Variants in ARHGEF33 observed in about 807,000 individuals in gnomAD.
The protein encoded by ARHGEF33 is DH and coiled-coil domain-containing protein ENSP00000381780.
ARHGEF33 carries 72 observed loss-of-function variants against 101.9 expected under a neutral mutation model. The observed-to-expected ratio is 0.71, with a 90% confidence interval of 0.58 to 0.86. The LOEUF is 0.86. Among genes scored for constraint, ARHGEF33 ranks in the 40% least tolerant of loss-of-function variants. The pLI, the probability that ARHGEF33 is intolerant of heterozygous loss-of-function variation, is 0.00. For missense variants in ARHGEF33, 1,169 were observed against 1,111.3 expected (o/e 1.05, Z -0.74); for synonymous variants, 499 against 442.5 (o/e 1.13, Z -1.60).
At chr2:38,934,682 C>G (rs965674847) in intron 7 of ARHGEF33, among the ~76,000 whole-genome samples, 1 of 141,232 alleles carries the variant, frequency 7.1e-6, no homozygotes, top group African/African-American at 2.6e-5. Flanking sequence ...CCCTCTCTCC[C>G]TCCCTCCATC....
At chr2:38,959,621 GCTCAGACAATAC>G (rs1000847962) in intron 15 of ARHGEF33, 2 of 504,772 alleles carry the variant, frequency 4.0e-6, no homozygotes, top group African/African-American at 3.9e-5. Flanking sequence ...TTTCCCAGAA[GCTCAGACAATAC>G]CTTCGGGCCT....
At chr2:38,903,226 A>G (rs1335572621) in intron 2 of ARHGEF33, among the ~76,000 whole-genome samples, 2 of 152,226 alleles carry the variant, frequency 1.3e-5, no homozygotes, top group East Asian at 3.9e-4. Context: ...CCAATGGACA[A>G]TTAATAGTAC....
chr2:38,896,651 A>T (rs182851183), intron 2 of ARHGEF33, among the ~76,000 whole-genome samples: 71 of 152,330 alleles, frequency 4.7e-4, no homozygotes, highest in African/African-American at 1.7e-3. Context: ...TCACAAAATG[A>T]AATAAGTAGC....
At chr2:38,962,472 A>G (rs533635777) in intron 16 of ARHGEF33, among the ~76,000 whole-genome samples, 15 of 152,318 alleles carry the variant, frequency 9.8e-5, no homozygotes, top group Non-Finnish European at 1.6e-4. Context: ...GCTGTTTACC[A>G]GACATACCAA....
intron 2 of ARHGEF33, among the ~76,000 whole-genome samples, chr2:38,906,601 A>G (rs1666396701): frequency 6.6e-6 from 1 of 152,092 alleles, no homozygotes; most frequent in East Asian, 1.9e-4. Flanking sequence ...CTTTTCATTG[A>G]TCAACAAAAA....
chr2:38,919,472 G>T lies in ARHGEF33; in HGVS notation c.25G>T (p.Gly9Ter). The T allele has an allele frequency of 6.4e-7, 1 of 1,551,738 alleles. No homozygotes were observed. Among genetic ancestry groups the T allele is most frequent in the South Asian group, 1.2e-5 (1 of 84,056 alleles). Residue 9 changes from glycine to a stop codon, truncating the protein, a stop_gained and splice_region_variant, in exon 3 of 18, where the codon GGA (glycine) becomes TGA (stop). Transcript: ENST00000409978. LOFTEE classifies it high-confidence loss of function. MEKTKTKQ[G>*]ENEHMPVNNP... ...TATGGAAAAAACCAAAACAAAGCAA[G>T]GTCAGATTTTTCCTATGTCTTGCTT...
chr2:38,948,868 T>C (rs927047557), intron 10 of ARHGEF33, among the ~76,000 whole-genome samples: 2 of 152,194 alleles, frequency 1.3e-5, no homozygotes, highest in African/African-American at 2.4e-5. Flanking sequence ...TCCCAGTCAG[T>C]ATACCCCGTA....
rs139116761 is a variant in ARHGEF33, at chr2:38,912,116, C to T, written c.-85-7247C>T. 1.5e-3 allele frequency among the ~76,000 whole-genome samples: 222 copies of T among 152,304 alleles called. 3 individuals are homozygous for T. Among genetic ancestry groups the T allele is most frequent in the African/African-American group, 5.2e-3 (215 of 41,554 alleles). On this transcript the variant is annotated intron_variant, in intron 2 of 17. Transcript: ENST00000409978. ...TATAGACACCAACAGGCTCACTTAA[C>T]ATTATTTTCCCCAGTGTCCGCCAAG...
chr2:38,907,138 A>G (rs1016755802), intron 2 of ARHGEF33, among the ~76,000 whole-genome samples: 4 of 152,122 alleles, frequency 2.6e-5, no homozygotes, highest in Non-Finnish European at 5.9e-5. Flanking sequence ...AAGGCCTGTG[A>G]GTGGACTAGT....
intron 11 of ARHGEF33, 110 bp downstream of exon 11, chr2:38,951,231 A>C (rs1275319422): frequency 1.0e-6 from 1 of 990,610 alleles, no homozygotes; most frequent in Non-Finnish European, 1.5e-6. Flanking sequence ...AGCTAGAACC[A>C]CTGAGATCTA....
chr2:38,922,979 G>C (rs1572749935), intron 4 of ARHGEF33, among the ~76,000 whole-genome samples: 1 of 152,104 alleles, frequency 6.6e-6, no homozygotes, highest in East Asian at 1.9e-4. Flanking sequence ...CGCTTTCCCT[G>C]CCCACTTCCC....
chr2:38,956,768 CAT>C lies in ARHGEF33; in HGVS notation c.1222-130_1222-129del. ...TTTCAGCGTATAATTAGATGGGGGTCATGTGTATTGTTCATTGTTTTGATTAA... is the reference window on the plus strand; with the variant it reads ...TTTCAGCGTATAATTAGATGGGGGTCGTGTATTGTTCATTGTTTTGATTAA... On this transcript the variant is annotated intron_variant, in intron 13 of 17. Transcript: ENST00000409978. 4 of 1,094,370 alleles carry C rather than the reference CAT, an allele frequency of 3.7e-6. No individual in the cohort carries two copies. In the South Asian group the frequency reaches 5.1e-5, roughly 14 times the overall value. 67.8% of individuals were successfully genotyped at this position (1,094,370 alleles called of 1,614,324 possible).
chr2:38,939,855 T>G (rs996079948), intron 9 of ARHGEF33, among the ~76,000 whole-genome samples: 2 of 152,230 alleles, frequency 1.3e-5, no homozygotes, highest in Non-Finnish European at 2.9e-5. Context: ...GACTTTCTTG[T>G]CTTTCTGAGA....
At chr2:38,899,427 T>C (rs1666195447) in intron 2 of ARHGEF33, among the ~76,000 whole-genome samples, 1 of 152,090 alleles carries the variant, frequency 6.6e-6, no homozygotes, top group African/African-American at 2.4e-5. Flanking sequence ...TCATAAGATA[T>C]TATGCTCAGA....
At chr2:38,928,176 G>A (rs1176493475) in intron 4 of ARHGEF33, among the ~76,000 whole-genome samples, 2 of 152,126 alleles carry the variant, frequency 1.3e-5, no homozygotes, top group Non-Finnish European at 2.9e-5. Flanking sequence ...GTAGAACTAG[G>A]ATTTGTACCC....
chr2:38,920,093 G>T (rs1160664963), intron 3 of ARHGEF33, among the ~76,000 whole-genome samples: 2 of 152,182 alleles, frequency 1.3e-5, no homozygotes, highest in Non-Finnish European at 2.9e-5. Flanking sequence ...CTGGGCTAAG[G>T]TTATGTATTA....
At chr2:38,943,130 G>A (rs1390687950) in intron 9 of ARHGEF33, among the ~76,000 whole-genome samples, 1 of 152,138 alleles carries the variant, frequency 6.6e-6, no homozygotes, top group Non-Finnish European at 1.5e-5. Context: ...GTTTCGCCAT[G>A]TTAGCCAGGC....
intron 2 of ARHGEF33, among the ~76,000 whole-genome samples, chr2:38,904,285 A>G (rs1042931761): frequency 1.8e-4 from 27 of 152,154 alleles, no homozygotes; most frequent in Admixed American, 2.0e-4. Context: ...AGGAGAGACA[A>G]AGTAGAAATG....
At position 38,929,380 on chromosome 2, in the gene ARHGEF33, A is replaced by G. The variant is rs565983564; in HGVS notation, c.240+309A>G. Among the ~76,000 whole-genome samples the G allele has an allele frequency of 2.0e-5, 3 of 152,158 alleles. No homozygotes were observed. The East Asian group carries it at 5.8e-4, about 29-fold the overall frequency. ...GAAGTGGAGGTTGTAGTGTGCTGAGATCACGCCACTGCACTCCAGCCTGGG... is the reference window on the plus strand; with the variant it reads ...GAAGTGGAGGTTGTAGTGTGCTGAGGTCACGCCACTGCACTCCAGCCTGGG... On this transcript the variant is annotated intron_variant, in intron 5 of 17. Coordinates refer to ENST00000409978, the MANE Select transcript of ARHGEF33 (RefSeq NM_001145451.5).
Sources: allele counts gnomAD v4.1 joint callset (sites outside exome capture counted in the v4.1 genomes callset), GRCh38; gene constraint gnomAD v4.1.1; transcripts MANE v1.5; gene names NCBI Gene and HGNC (gene_info 2026-07-23, HGNC 2026-07-21).